The following LUZP1 variants were observed in gnomAD, a reference collection of about 807,000 sequenced individuals.
LUZP1 encodes filamin mechanobinding actin cross-linking protein.
LUZP1 carries 25 observed loss-of-function variants against 71.3 expected under a neutral mutation model. The observed-to-expected ratio is 0.35, with a 90% CI of 0.26 to 0.49. LUZP1 has a LOEUF of 0.49. Among genes scored for constraint, LUZP1 ranks in the 20% least tolerant of loss-of-function variants. The pLI is 0.99. For synonymous variants in LUZP1, 481 were observed against 506.4 expected, an observed-to-expected ratio of 0.95 and a Z score of 0.67; for missense variants, 1,142 against 1,300.8, an observed-to-expected ratio of 0.88 and a Z score of 1.88.
At chr1:23,151,075 G>A (rs1475246284) in intron 2 of LUZP1, among the ~76,000 whole-genome samples, 1 of 151,934 alleles carries the variant, frequency 6.6e-6, no homozygotes, top group East Asian at 1.9e-4. Flanking sequence ...GCAGAGTCTC[G>A]CTCTGTCGCC....
At chr1:23,110,804 A>AT (rs902457707) in intron 2 of LUZP1, among the ~76,000 whole-genome samples, 14 of 151,724 alleles carry the variant, frequency 9.2e-5, no homozygotes, top group African/African-American at 2.2e-4. Flanking sequence ...TTTGAAAAGA[A>AT]TTTTTTTTTG....
chr1:23,091,105 C>T, intron 4 of LUZP1, 85 bp downstream of exon 3: 1 of 1,354,718 alleles, frequency 7.4e-7, no homozygotes. Flanking sequence ...CTGGGTCACA[C>T]AGGCCAGAGC....
chr1:23,173,987 A>AT (rs546892340), intron 1 of LUZP1, among the ~76,000 whole-genome samples: 62 of 151,660 alleles, frequency 4.1e-4, no homozygotes, highest in Middle Eastern at 3.4e-3. Flanking sequence ...AGCAGGGAGA[A>AT]TTTTTTTTTG....
intron 1 of LUZP1, among the ~76,000 whole-genome samples, chr1:23,172,967 C>A (rs1644560959): frequency 6.6e-6 from 1 of 151,286 alleles, no homozygotes; most frequent in Non-Finnish European, 1.5e-5. Context: ...GGATTACAGG[C>A]CTGCGACACC....
intron 2 of LUZP1, among the ~76,000 whole-genome samples, chr1:23,116,043 G>A (rs1644075396): frequency 6.6e-6 from 1 of 152,124 alleles, no homozygotes; most frequent in Non-Finnish European, 1.5e-5. Context: ...GAGCCCAGGA[G>A]TTTGAGACCA....
chr1:23,142,698 T>TAC (rs758077526), intron 2 of LUZP1, among the ~76,000 whole-genome samples: 1,892 of 101,192 alleles, frequency 0.019, 14 homozygotes, highest in Non-Finnish European at 0.024. Context: ...TATATATATA[T>TAC]ATACACACAC....
At chr1:23,122,175 C>T (rs1644135512) in intron 2 of LUZP1, among the ~76,000 whole-genome samples, 1 of 152,022 alleles carries the variant, frequency 6.6e-6, no homozygotes, top group South Asian at 2.1e-4. Flanking sequence ...TGAGTGGGCA[C>T]TCAATAAAGT....
At chr1:23,100,986 T>C (rs1643927560) in intron 3 of LUZP1, among the ~76,000 whole-genome samples, 1 of 152,192 alleles carries the variant, frequency 6.6e-6, no homozygotes, top group Non-Finnish European at 1.5e-5. Flanking sequence ...TTCTTCCCAT[T>C]ATGCAAAATC....
chr1:23,092,960 A>C, exon 4 of LUZP1: 3 of 1,614,138 alleles, frequency 1.9e-6, no homozygotes, highest in Non-Finnish European at 2.5e-6. Flanking sequence ...CCATGTGAGA[A>C]GCTTTTGCTG....
intron 1 of LUZP1, among the ~76,000 whole-genome samples, chr1:23,173,218 C>T (rs1043925281): frequency 6.6e-6 from 1 of 151,488 alleles, no homozygotes; most frequent in African/African-American, 2.4e-5. Flanking sequence ...GATCTCTGCA[C>T]TGCACTCCAG....
intron 2 of LUZP1, among the ~76,000 whole-genome samples, chr1:23,134,510 G>A (rs1431233361): frequency 1.3e-5 from 2 of 151,902 alleles, no homozygotes; most frequent in Non-Finnish European, 1.5e-5. Context: ...CAGGTGTGGT[G>A]ACTTACCCCT....
Position 23,091,652 on chromosome 1 carries a change from T to C in LUZP1, c.2610A>G (p.Pro870=), listed in dbSNP as rs776245535. 12 of 1,614,014 alleles carry C rather than the reference T, an allele frequency of 7.4e-6. No individual in the cohort carries two copies. The African/African-American group carries it at 1.6e-4, about 22-fold the overall frequency. The change falls in exon 4 of 5, where the codon CCA becomes CCG. Residue 870 remains proline, a synonymous_variant. Transcript: ENST00000302291. ...TGCTGCTCCGAGAGACCACTGTTTCTGGCCTGTCCTTCAGGGGCCCATCTG... is the reference window on the plus strand; with the variant it reads ...TGCTGCTCCGAGAGACCACTGTTTCCGGCCTGTCCTTCAGGGGCCCATCTG...
intron 3 of LUZP1, among the ~76,000 whole-genome samples, chr1:23,105,045 G>C (rs550268248): frequency 6.6e-6 from 1 of 152,194 alleles, no homozygotes; most frequent in Non-Finnish European, 1.5e-5. Flanking sequence ...AGTGGATATG[G>C]GAAGCAAATT....
exon 5 of LUZP1, chr1:23,084,610 ACT>A: frequency 6.6e-6 from 1 of 152,192 alleles, no homozygotes; most frequent in East Asian, 1.9e-4. Flanking sequence ...GATGATAAAC[ACT>A]GTTACTGCAA....
At chr1:23,096,539 TCGGAAGAATCCTAAATCCTCGTAAGGATA>T (rs1643892982) in intron 3 of LUZP1, among the ~76,000 whole-genome samples, 1 of 152,092 alleles carries the variant, frequency 6.6e-6, no homozygotes, top group Admixed American at 6.5e-5. Flanking sequence ...GGATTTAGGA[TCGGAAGAATCCTAAATCCTCGTAAGGATA>T]CGGAAGAATG....
chr1:23,088,870 G>T lies in LUZP1; in HGVS notation c.*25C>A, dbSNP rs200540840. 1.9e-6 allele frequency: 3 copies of T among 1,609,800 alleles called. No individual in the cohort carries two copies. The African/African-American group carries it at 4.0e-5, about 22-fold the overall frequency. ...GAAGAGCTGAGAAGCAGGAGCAGAGGGCAGACAACAGACACCCAGCGGGCT... is the reference window on the plus strand; with the variant it reads ...GAAGAGCTGAGAAGCAGGAGCAGAGTGCAGACAACAGACACCCAGCGGGCT... On this transcript the variant is annotated 3_prime_UTR_variant, in exon 5 of 5. Transcript: ENST00000302291.
chr1:23,084,682 C>CATT (rs1177748673), exon 5 of LUZP1: 2 of 151,950 alleles, frequency 1.3e-5, no homozygotes, highest in Non-Finnish European at 2.9e-5. Flanking sequence ...TAAGGGACAT[C>CATT]ATTATATATA....
intron 2 of LUZP1, among the ~76,000 whole-genome samples, chr1:23,165,424 C>T (rs994619524): frequency 4.7e-5 from 7 of 149,168 alleles, no homozygotes; most frequent in South Asian, 4.2e-4. Context: ...GTAATCTCAA[C>T]ACTTTGGGAG....
intron 2 of LUZP1, among the ~76,000 whole-genome samples, chr1:23,110,612 G>A (rs538547627): frequency 4.9e-5 from 7 of 143,456 alleles, no homozygotes; most frequent in South Asian, 2.3e-4. Context: ...CTGCACCTGC[G>A]CGCATGCATG....
Sources: gnomAD v4.1 joint callset for allele counts (sites outside exome capture counted in the v4.1 genomes callset) on GRCh38, gnomAD v4.1.1 for gene constraint, MANE v1.5 for transcripts, NCBI Gene and HGNC (gene_info 2026-07-23, HGNC 2026-07-21) for gene names.